The following NAV2 variants were observed in gnomAD, a reference collection of about 807,000 sequenced individuals.
NAV2 encodes the protein helicase, APC down-regulated 1.
Under a neutral mutation model 223.2 loss-of-function variants are expected in NAV2, and 54 were observed. The ratio of observed to expected loss-of-function variants is 0.24; its 90% CI spans 0.19 to 0.30. The LOEUF is 0.30. Among genes scored for constraint, NAV2 ranks in the 10% least tolerant of loss-of-function variants. The pLI, the probability that NAV2 is intolerant of heterozygous loss-of-function variation, is 1.00. For synonymous variants in NAV2, 1,279 were observed against 1,239.3 expected, an observed-to-expected ratio of 1.03 and a Z score of -0.67; for missense variants, 2,806 against 3,147.5, an observed-to-expected ratio of 0.89 and a Z score of 2.60.
At chr11:19,877,507 C>T (rs2062927457) in intron 4 of NAV2, among the ~76,000 whole-genome samples, 2 of 43,082 alleles carry the variant, frequency 4.6e-5, no homozygotes, top group Admixed American at 2.0e-4. Flanking sequence ...GAGTCTTGCT[C>T]TGTTGCCCAG....
At position 19,613,686 on chromosome 11, in the gene NAV2, G is replaced by A. The variant is rs1169387033; in HGVS notation, c.76-218798G>A. 4.6e-5 allele frequency among the ~76,000 whole-genome samples: 7 copies of A among 152,266 alleles called. No homozygotes were observed. In the South Asian group the frequency reaches 6.2e-4, roughly 14 times the overall value. The stretch of plus-strand genomic sequence containing the variant: ...ACTGAGTCTAAAACAACTTTTCATC[G>A]TGGGCAAGAACCAAGCGGCCAGAGT... On this transcript the variant is annotated intron_variant, in intron 1 of 37. Coordinates refer to the NAV2 transcript ENST00000360655.
At chr11:19,380,635 G>A (rs746138517) in intron 1 of NAV2, 2 of 152,252 alleles carry the variant, frequency 1.3e-5, no homozygotes, top group Admixed American at 6.5e-5. Flanking sequence ...CCCATGGTGT[G>A]ACGTGGAGGA....
At chr11:19,654,473 G>A (rs60794710) in intron 1 of NAV2, among the ~76,000 whole-genome samples, 2,523 of 152,108 alleles carry the variant, frequency 0.017, 62 homozygotes, top group African/African-American at 0.058. Context: ...GAAGCATCAT[G>A]CTACCTGACT....
chr11:20,050,119 A>G (rs893341203), intron 16 of NAV2, among the ~76,000 whole-genome samples: 1 of 152,066 alleles, frequency 6.6e-6, no homozygotes, highest in Non-Finnish European at 1.5e-5. Flanking sequence ...CTTCATTCCC[A>G]TTTTGGGAAG....
chr11:19,718,423 A>C (rs1488223599), intron 1 of NAV2, among the ~76,000 whole-genome samples: 2 of 151,886 alleles, frequency 1.3e-5, no homozygotes, highest in Non-Finnish European at 2.9e-5. Context: ...GTTTTTTTAA[A>C]AAAGTAATTA....
chr11:19,502,094 C>T (rs1013423247), intron 1 of NAV2, among the ~76,000 whole-genome samples: 1 of 152,164 alleles, frequency 6.6e-6, no homozygotes, highest in Non-Finnish European at 1.5e-5. Context: ...TTCAGATCAT[C>T]TCTATTAGAA....
At chr11:19,800,689 G>A (rs1248054534) in intron 1 of NAV2, among the ~76,000 whole-genome samples, 1 of 151,876 alleles carries the variant, frequency 6.6e-6, no homozygotes, top group Non-Finnish European at 1.5e-5. Context: ...GTGTGTGTGT[G>A]TGTGTGTGTG....
chr11:19,920,080 G>A (rs1183396595), intron 6 of NAV2, among the ~76,000 whole-genome samples: 1 of 152,092 alleles, frequency 6.6e-6, no homozygotes, highest in African/African-American at 2.4e-5. Context: ...GCTGTAGTGA[G>A]CCATGTTTGC....
chr11:19,920,753 C>G (rs993498448), intron 6 of NAV2, among the ~76,000 whole-genome samples: 1 of 152,076 alleles, frequency 6.6e-6, no homozygotes, highest in East Asian at 1.9e-4. Context: ...TCACAAAGTT[C>G]GATGATTGCA....
At chr11:20,093,703 C>A (rs990947172) in intron 29 of NAV2, among the ~76,000 whole-genome samples, 1 of 152,098 alleles carries the variant, frequency 6.6e-6, no homozygotes, top group Admixed American at 6.5e-5. Context: ...GCTAGTGGGG[C>A]GTCCTGACTC....
At chr11:20,116,087 A>G (rs78635609) in intron 37 of NAV2, among the ~76,000 whole-genome samples, 8,304 of 152,326 alleles carry the variant, frequency 0.055, 243 homozygotes, top group African/African-American at 0.058. Context: ...TTAAAGGACT[A>G]TTATCATGCC....
chr11:19,519,562 C>T (rs748543587), intron 1 of NAV2, among the ~76,000 whole-genome samples: 4 of 152,136 alleles, frequency 2.6e-5, no homozygotes, highest in African/African-American at 4.8e-5. Flanking sequence ...ACAGAGAGTG[C>T]GTGCTCTGTA....
rs540637727 is a variant in NAV2 at position 19,493,661 on chromosome 11, C to G, written c.75+142634C>G. ...CCCCTGGGACTGCCACCGGATGGAG[C>G]CTTAAGGGTGAGGCATGTGGCAGGT... On this transcript the variant is annotated intron_variant, in intron 1 of 37. Coordinates refer to the NAV2 transcript ENST00000360655. 1.1e-4 allele frequency among the ~76,000 whole-genome samples: 17 copies of G among 152,206 alleles called. No homozygotes were observed. The East Asian group carries it at 3.1e-3, about 28-fold the overall frequency.
At chr11:19,874,886 A>G (rs1469903212) in intron 4 of NAV2, among the ~76,000 whole-genome samples, 1 of 152,200 alleles carries the variant, frequency 6.6e-6, no homozygotes, top group South Asian at 2.1e-4. Context: ...ACTGGGCACA[A>G]TGGCTCACGC....
At chr11:19,946,247 C>G (rs969038117) in intron 8 of NAV2, among the ~76,000 whole-genome samples, 154 bp from the exon 9 acceptor site, 1 of 152,218 alleles carries the variant, frequency 6.6e-6, no homozygotes, top group Non-Finnish European at 1.5e-5. Flanking sequence ...CACTTCCATT[C>G]AATCATTCAT....
chr11:19,403,021 G>A (rs897614088), intron 1 of NAV2, among the ~76,000 whole-genome samples: 3 of 152,216 alleles, frequency 2.0e-5, no homozygotes, highest in African/African-American at 7.2e-5. Flanking sequence ...GCAAACTCCA[G>A]CTCAGCCACT....
At chr11:19,459,570 C>T (rs1438931391) in intron 1 of NAV2, among the ~76,000 whole-genome samples, 6 of 152,120 alleles carry the variant, frequency 3.9e-5, no homozygotes, top group Admixed American at 2.6e-4. Context: ...AGGAGAAGAG[C>T]TAAAGGGTGG....
chr11:19,698,674 G>A (rs934746587), intron 1 of NAV2, among the ~76,000 whole-genome samples: 1 of 152,192 alleles, frequency 6.6e-6, no homozygotes, highest in African/African-American at 2.4e-5. Flanking sequence ...TTGTGTGGAC[G>A]AGTAAGCTGT....
intron 1 of NAV2, among the ~76,000 whole-genome samples, chr11:19,624,239 G>A (rs2047095519): frequency 6.6e-6 from 1 of 152,198 alleles, no homozygotes; most frequent in Admixed American, 6.5e-5. Flanking sequence ...GAGGCAGTCT[G>A]TCCGTTCTCA....
Sources: gnomAD v4.1 joint callset for allele counts (sites outside exome capture counted in the v4.1 genomes callset) on GRCh38, gnomAD v4.1.1 for gene constraint, MANE v1.5 for transcripts, NCBI Gene and HGNC (gene_info 2026-07-23, HGNC 2026-07-21) for gene names.